The following DLC1 variants were observed in gnomAD, a reference collection of about 807,000 sequenced individuals.
DLC1 encodes rho GTPase-activating protein 7.
In DLC1, 54 loss-of-function variants were observed where a neutral mutation model predicts 140.3. The ratio of observed to expected loss-of-function variants is 0.38; its 90% CI spans 0.31 to 0.48. DLC1 has a LOEUF of 0.48. Ranked by LOEUF, DLC1 falls within the 20% of genes least tolerant of loss-of-function variation. The probability of loss-of-function intolerance (pLI) is 0.96; values close to 1 mark genes in which losing one functional copy is unlikely to be tolerated. For synonymous variants in DLC1, 986 were observed against 728.1 expected, an observed-to-expected ratio of 1.35 and a Z score of -5.70; for missense variants, 2,536 against 1,907.0, an observed-to-expected ratio of 1.33 and a Z score of -6.14.
chr8:13,278,151 G>A (rs1000032940), intron 5 of DLC1, among the ~76,000 whole-genome samples: 1 of 152,204 alleles, frequency 6.6e-6, no homozygotes, highest in Admixed American at 6.5e-5. Flanking sequence ...CTTATCATTG[G>A]ACTGGACACA....
At chr8:13,343,760 C>T (rs1005405413) in intron 4 of DLC1, among the ~76,000 whole-genome samples, 3 of 152,130 alleles carry the variant, frequency 2.0e-5, no homozygotes, top group African/African-American at 7.2e-5. Flanking sequence ...CTCTAAAAGC[C>T]TAAACATAGT....
At chr8:13,332,024 G>A (rs1729101) in intron 4 of DLC1, among the ~76,000 whole-genome samples, 1 of 152,008 alleles carries the variant, frequency 6.6e-6, no homozygotes, top group Non-Finnish European at 1.5e-5. Flanking sequence ...ACAAAATGAC[G>A]AACTATTATT....
At chr8:13,588,366 T>C (rs1476423407) in intron 1 of DLC1, among the ~76,000 whole-genome samples, 1 of 152,106 alleles carries the variant, frequency 6.6e-6, no homozygotes, top group Non-Finnish European at 1.5e-5. Flanking sequence ...GAAGTCATTA[T>C]TTTGAATTTG....
At chr8:13,350,886 A>T (rs1023013709) in intron 4 of DLC1, among the ~76,000 whole-genome samples, 2 of 152,134 alleles carry the variant, frequency 1.3e-5, no homozygotes, top group African/African-American at 4.8e-5. Flanking sequence ...TATAATACTC[A>T]TTCTTTTGAG....
chr8:13,441,037 G>A (rs1402111951), intron 2 of DLC1, among the ~76,000 whole-genome samples: 1 of 152,136 alleles, frequency 6.6e-6, no homozygotes, highest in Non-Finnish European at 1.5e-5. Context: ...CAGCCAAACA[G>A]TTCAAATTTG....
intron 2 of DLC1, among the ~76,000 whole-genome samples, chr8:13,417,811 G>A (rs1455600550): frequency 1.3e-5 from 2 of 151,938 alleles, no homozygotes; most frequent in African/African-American, 4.8e-5. Context: ...GGTTGAACTA[G>A]TTTACAGTCC....
At chr8:13,155,370 T>A (rs56710107) in intron 5 of DLC1, among the ~76,000 whole-genome samples, 64,273 of 150,516 alleles carry the variant, frequency 0.43, 14,334 homozygotes, top group East Asian at 0.53. Flanking sequence ...AAATGAAAAA[T>A]AAAAGATATG....
chr8:13,169,303 C>A (rs908060744), intron 5 of DLC1, among the ~76,000 whole-genome samples: 1 of 152,150 alleles, frequency 6.6e-6, no homozygotes, highest in Non-Finnish European at 1.5e-5. Flanking sequence ...TTTGGATATT[C>A]AGGGATTTAA....
chr8:13,591,398 G>C (rs780526801), intron 1 of DLC1, among the ~76,000 whole-genome samples: 1 of 152,044 alleles, frequency 6.6e-6, no homozygotes, highest in Non-Finnish European at 1.5e-5. Context: ...AGATCTGATG[G>C]TTTTACAAGC....
intron 5 of DLC1, among the ~76,000 whole-genome samples, chr8:13,274,061 G>A (rs1831062795): frequency 6.6e-6 from 1 of 152,134 alleles, no homozygotes; most frequent in African/African-American, 2.4e-5. Context: ...TTCTGCACAC[G>A]AAGGCAAGGT....
At chr8:13,338,096 C>T (rs1009086789) in intron 4 of DLC1, among the ~76,000 whole-genome samples, 19 of 152,190 alleles carry the variant, frequency 1.2e-4, no homozygotes, top group African/African-American at 4.1e-4. Flanking sequence ...GCAAATAGTT[C>T]TGTGCAATTG....
intron 2 of DLC1, among the ~76,000 whole-genome samples, chr8:13,449,690 G>C (rs1049764437): frequency 1.4e-4 from 22 of 151,950 alleles, no homozygotes; most frequent in African/African-American, 4.6e-4. Flanking sequence ...GGATGGGGGA[G>C]GGATAGCATT....
Position 13,431,498 on chromosome 8 carries a change from A to G in DLC1, c.1024-29879T>C, listed in dbSNP as rs865955605. On this transcript the variant is annotated intron_variant, in intron 2 of 17. Coordinates refer to ENST00000276297, the MANE Select transcript of DLC1 (RefSeq NM_182643.3). ...ACTCCGTCTCAAAAAAAAAAAAAAA[A>G]AAAAAAAAAAAAAAAAAGAAAAGAA... 6.0e-5 allele frequency among the ~76,000 whole-genome samples: 8 copies of G among 133,804 alleles called. 1 individual carries two copies. Among genetic ancestry groups the G allele is most frequent in the Non-Finnish European group, 1.2e-4 (7 of 58,454 alleles). The allele number at this position is 133,804 out of a possible 152,430, so 87.8% of individuals were successfully genotyped here. A position where few individuals can be genotyped will look rare whatever the true frequency, so the allele number is the denominator to read the frequency against.
chr8:13,089,415 A>G (rs984602757), intron 15 of DLC1, among the ~76,000 whole-genome samples: 3 of 152,036 alleles, frequency 2.0e-5, no homozygotes, highest in Non-Finnish European at 2.9e-5. Context: ...TCACAAGGTC[A>G]GGAGTTCGAG....
At chr8:13,157,469 A>G (rs1824335820) in intron 5 of DLC1, among the ~76,000 whole-genome samples, 1 of 148,642 alleles carries the variant, frequency 6.7e-6, no homozygotes, top group South Asian at 2.1e-4. Flanking sequence ...AGGAACAAAA[A>G]AAGGCAGTGA....
chr8:13,330,431 C>T (rs1158747742), intron 4 of DLC1, among the ~76,000 whole-genome samples: 3 of 152,230 alleles, frequency 2.0e-5, no homozygotes, highest in Admixed American at 1.3e-4. Context: ...ACACAAAGGT[C>T]TACCTTGCTG....
rs557525919 is a variant in DLC1, at chr8:13,588,903, G to C, written c.-126+15634C>G. The stretch of plus-strand genomic sequence containing the variant: ...TTTTGGGATAAGTGAGGAGGGAGAA[G>C]GTCACCTGTTTAACAAGCTACATTA... On this transcript the variant is annotated intron_variant, in intron 1 of 1. Coordinates refer to the DLC1 transcript ENST00000631382. Among the ~76,000 whole-genome samples, 22 of 152,124 alleles carry C rather than the reference G, an allele frequency of 1.4e-4. No homozygotes were observed. The East Asian group carries it at 4.3e-3, about 29-fold the overall frequency.
intron 1 of DLC1, among the ~76,000 whole-genome samples, chr8:13,501,695 A>G (rs1563403398): frequency 6.6e-6 from 1 of 152,194 alleles, no homozygotes; most frequent in Non-Finnish European, 1.5e-5. Context: ...AGCCTGACCA[A>G]GTATCTTTCT....
intron 4 of DLC1, among the ~76,000 whole-genome samples, chr8:13,365,120 A>G (rs1280723521): frequency 6.6e-6 from 1 of 152,166 alleles, no homozygotes; most frequent in Non-Finnish European, 1.5e-5. Flanking sequence ...ATCAAATTCC[A>G]TTTTAAATTT....
Sources: gnomAD v4.1 joint callset for allele counts (sites outside exome capture counted in the v4.1 genomes callset) on GRCh38, gnomAD v4.1.1 for gene constraint, MANE v1.5 for transcripts, NCBI Gene and HGNC (gene_info 2026-07-23, HGNC 2026-07-21) for gene names.